Variants in SPAG16 observed in about 807,000 individuals in gnomAD.
SPAG16 encodes the protein sperm associated antigen 16, also known as sperm-associated antigen 16 protein.
In SPAG16, 86 loss-of-function variants were observed where a neutral mutation model predicts 80.4. The observed-to-expected ratio is 1.07, with a 90% CI of 0.90 to 1.28. The LOEUF (loss-of-function observed/expected upper bound fraction) is 1.28. Ranked by LOEUF, SPAG16 falls within the 50% of genes most tolerant of loss-of-function variation. The pLI is 0.00. For missense variants in SPAG16, 870 were observed against 765.3 expected, an observed-to-expected ratio of 1.14 and a Z score of -1.61; for synonymous variants, 294 against 265.9, an observed-to-expected ratio of 1.11 and a Z score of -1.03.
At chr2:213,976,501 T>G (rs1306073453) in intron 12 of SPAG16, among the ~76,000 whole-genome samples, 1 of 152,054 alleles carries the variant, frequency 6.6e-6, no homozygotes, top group African/African-American at 2.4e-5. Flanking sequence ...CAGATATAAT[T>G]AAGGTTAATA....
At chr2:213,648,112 C>A (rs1352120087) in intron 10 of SPAG16, among the ~76,000 whole-genome samples, 1 of 152,112 alleles carries the variant, frequency 6.6e-6, no homozygotes, top group Non-Finnish European at 1.5e-5. Flanking sequence ...CCTTTATAAT[C>A]ATTTCTTTTC....
intron 9 of SPAG16, among the ~76,000 whole-genome samples, chr2:213,378,676 G>A (rs1165974696): frequency 6.6e-6 from 1 of 152,248 alleles, no homozygotes; most frequent in East Asian, 1.9e-4. Context: ...AGCTGGTCAT[G>A]TGGTTGTAGC....
intron 10 of SPAG16, among the ~76,000 whole-genome samples, chr2:213,574,672 TATATGATATATG>T (rs2126020171): frequency 6.7e-6 from 1 of 148,298 alleles, no homozygotes; most frequent in African/African-American, 2.5e-5. Flanking sequence ...ATATGATATA[TATATGATATATG>T]ATATATATAT....
chr2:214,144,155 G>A (rs796951222), intron 14 of SPAG16, among the ~76,000 whole-genome samples: 8 of 152,094 alleles, frequency 5.3e-5, no homozygotes, highest in African/African-American at 1.9e-4. Context: ...TCAAAAATAA[G>A]ATTTAAAAGT....
chr2:214,355,724 G>A (rs930051465), intron 15 of SPAG16, among the ~76,000 whole-genome samples: 6 of 151,958 alleles, frequency 3.9e-5, no homozygotes, highest in Admixed American at 6.6e-5. Flanking sequence ...ACATGCACAC[G>A]TATGTTTATT....
intron 15 of SPAG16, among the ~76,000 whole-genome samples, chr2:214,370,255 T>C (rs1699726377): frequency 6.6e-6 from 1 of 152,080 alleles, no homozygotes; most frequent in African/African-American, 2.4e-5. Context: ...ATTCTACCCA[T>C]TTTTTTCAGT....
intron 12 of SPAG16, among the ~76,000 whole-genome samples, chr2:213,997,451 A>G (rs2046577260): frequency 6.6e-6 from 1 of 152,216 alleles, no homozygotes; most frequent in Admixed American, 6.5e-5. Context: ...ATCATTTTGT[A>G]TAAAGTCATT....
At chr2:214,111,325 A>T (rs185367197) in intron 14 of SPAG16, among the ~76,000 whole-genome samples, 42 of 152,244 alleles carry the variant, frequency 2.8e-4, no homozygotes, top group African/African-American at 9.9e-4. Flanking sequence ...TGAGGAAAGG[A>T]TCCAGTTTCA....
chr2:213,445,341 C>G (rs972739943), intron 9 of SPAG16, among the ~76,000 whole-genome samples: 4 of 152,114 alleles, frequency 2.6e-5, no homozygotes, highest in Non-Finnish European at 5.9e-5. Context: ...AGAAAATGGA[C>G]AAAGATCAAA....
At chr2:213,836,055 C>T (rs2074053192) in intron 10 of SPAG16, among the ~76,000 whole-genome samples, 1 of 151,998 alleles carries the variant, frequency 6.6e-6, no homozygotes, top group Non-Finnish European at 1.5e-5. Flanking sequence ...CCAGTGATAA[C>T]ATTATCTGTT....
chr2:213,554,555 G>A (rs550857648), intron 10 of SPAG16, among the ~76,000 whole-genome samples: 66 of 151,998 alleles, frequency 4.3e-4, no homozygotes, highest in African/African-American at 1.4e-3. Context: ...GCATGACAAA[G>A]AATTCAAAAT....
chr2:213,554,879 A>G (rs1009436972), intron 10 of SPAG16, among the ~76,000 whole-genome samples: 7 of 152,090 alleles, frequency 4.6e-5, no homozygotes, highest in African/African-American at 1.7e-4. Flanking sequence ...TATTCAAGTT[A>G]TAAGAGTTTA....
intron 9 of SPAG16, among the ~76,000 whole-genome samples, chr2:213,442,870 G>T (rs2071063085): frequency 6.6e-6 from 1 of 151,916 alleles, no homozygotes; most frequent in Admixed American, 6.6e-5. Context: ...ACCAAAGACA[G>T]GATCCATGAA....
chr2:213,582,024 A>G (rs2060313248), intron 10 of SPAG16, among the ~76,000 whole-genome samples: 1 of 152,154 alleles, frequency 6.6e-6, no homozygotes, highest in African/African-American at 2.4e-5. Flanking sequence ...CAAACTATGG[A>G]ATGGAGGAAG....
At chr2:213,827,561 A>G (rs1209811412) in intron 10 of SPAG16, among the ~76,000 whole-genome samples, 1 of 152,152 alleles carries the variant, frequency 6.6e-6, no homozygotes, top group Non-Finnish European at 1.5e-5. Context: ...TCTACACACC[A>G]CAATTACAAT....
chr2:213,718,164 A>G (rs1044874516), intron 10 of SPAG16, among the ~76,000 whole-genome samples: 12 of 150,516 alleles, frequency 8.0e-5, no homozygotes, highest in African/African-American at 2.4e-4. Flanking sequence ...AAAAAAAAAA[A>G]AAAAAGAAAA....
intron 15 of SPAG16, among the ~76,000 whole-genome samples, chr2:214,268,028 T>G (rs994184807): frequency 4.6e-5 from 7 of 151,908 alleles, no homozygotes; most frequent in Admixed American, 2.0e-4. Context: ...CAAATGGACA[T>G]TTCTCAAAAG....
intron 7 of SPAG16, among the ~76,000 whole-genome samples, chr2:213,355,748 C>G (rs1234121884): frequency 1.3e-5 from 2 of 152,154 alleles, no homozygotes; most frequent in South Asian, 4.1e-4. Context: ...TGCTTATCAG[C>G]TTAAGGAGAT....
chr2:214,034,454 C>T (rs2048579310), intron 13 of SPAG16, among the ~76,000 whole-genome samples: 1 of 152,196 alleles, frequency 6.6e-6, no homozygotes. Flanking sequence ...TTGAGTTTTG[C>T]TTGGGCCTGC....
Sources: gnomAD v4.1 joint callset for allele counts (sites outside exome capture counted in the v4.1 genomes callset) on GRCh38, gnomAD v4.1.1 for gene constraint, MANE v1.5 for transcripts, NCBI Gene and HGNC (gene_info 2026-07-23, HGNC 2026-07-21) for gene names.